The following ASAP2 variants were observed in gnomAD, a reference collection of about 807,000 sequenced individuals.
The protein encoded by ASAP2 is ArfGAP with SH3 domain, ankyrin repeat and PH domain 2.
A neutral mutation model predicts 131.4 loss-of-function variants in ASAP2; 45 were observed. The observed-to-expected ratio is 0.34, with a 90% CI of 0.27 to 0.44. The LOEUF (loss-of-function observed/expected upper bound fraction) is 0.44. ASAP2 is among the 20% of genes least tolerant of loss of function. ASAP2 has a pLI of 1.00. For missense variants in ASAP2, 1,011 were observed against 1,297.0 expected (o/e 0.78, Z 3.39); for synonymous variants, 510 against 503.0 (o/e 1.01, Z -0.19).
intron 16 of ASAP2, among the ~76,000 whole-genome samples, chr2:9,371,261 T>C (rs745982648): frequency 8.5e-5 from 13 of 152,186 alleles, no homozygotes; most frequent in Non-Finnish European, 1.9e-4. Context: ...TCAACTGAAA[T>C]TACTTTCTTG....
At chr2:9,263,135 A>G (rs567349644) in intron 1 of ASAP2, among the ~76,000 whole-genome samples, 9 of 147,326 alleles carry the variant, frequency 6.1e-5, no homozygotes, top group Admixed American at 6.1e-4. Flanking sequence ...CTGGCTTTCC[A>G]CTGTCTCGGT....
chr2:9,399,902 G>C, intron 24 of ASAP2, 121 bp from the exon 25 acceptor site: 1 of 966,494 alleles, frequency 1.0e-6, no homozygotes, highest in Non-Finnish European at 1.6e-6. Flanking sequence ...CTAAGTGACA[G>C]TGGAGGAAAC....
rs761673164 is a variant in ASAP2, at chr2:9,217,044, A to G, written c.126+9814A>G. On this transcript the variant is annotated intron_variant, in intron 1 of 27. Transcript: ENST00000281419. This position sits in a 1 kb window ranked among gnomAD's most constrained non-coding sequence, Gnocchi z 4.0. ...AAAATTAGGCCACGGTACCAAGTTC[A>G]TGGAGCTTGGAGGTGATGAAGCCAG... is the stretch of plus-strand genomic sequence containing the variant. Among the ~76,000 whole-genome samples the G allele has an allele frequency of 1.5e-4, 23 of 152,178 alleles. No individual in the cohort carries two copies. The highest frequency in any genetic ancestry group is 2.8e-4 in the Non-Finnish European group (19 of 67,994).
intron 15 of ASAP2, among the ~76,000 whole-genome samples, chr2:9,364,807 G>A (rs1306416386): frequency 1.3e-5 from 2 of 152,164 alleles, no homozygotes; most frequent in South Asian, 2.1e-4. Context: ...ACTATCAGTG[G>A]TCATTTACGG....
At chr2:9,277,621 G>A (rs892193086) in intron 1 of ASAP2, among the ~76,000 whole-genome samples, 26 of 152,072 alleles carry the variant, frequency 1.7e-4, no homozygotes, top group African/African-American at 5.3e-4. Context: ...CCAAATACCC[G>A]TTCCCCTTGA....
At chr2:9,243,359 C>A (rs537750057) in intron 1 of ASAP2, among the ~76,000 whole-genome samples, 1 of 152,190 alleles carries the variant, frequency 6.6e-6, no homozygotes. Context: ...CCACCCACCT[C>A]GGCCTCGCAA....
In ASAP2 at chr2:9,207,605, C is replaced by G. The variant is rs1168380371; in HGVS notation, c.126+375C>G. 6.6e-6 allele frequency among the ~76,000 whole-genome samples: 1 copy of G among 152,164 alleles called. No homozygotes were observed. Among genetic ancestry groups the G allele is most frequent in the Non-Finnish European group, 1.5e-5 (1 of 68,012 alleles). ...TGGTACCCGGTGCGGACCTTATCAACTTGTTCTTGAAGTGGACCGGCGGGG... is the reference window on the plus strand; with the variant it reads ...TGGTACCCGGTGCGGACCTTATCAAGTTGTTCTTGAAGTGGACCGGCGGGG... On this transcript the variant is annotated intron_variant, in intron 1 of 27. Coordinates refer to ENST00000281419, the MANE Select transcript of ASAP2 (RefSeq NM_003887.3). This position sits in a 1 kb window ranked among gnomAD's most constrained non-coding sequence, Gnocchi z 4.1.
chr2:9,305,836 AAT>A (rs1668886849), intron 3 of ASAP2, among the ~76,000 whole-genome samples: 1 of 148,176 alleles, frequency 6.7e-6, no homozygotes, highest in South Asian at 2.2e-4. Flanking sequence ...GAGGGGCTGT[AAT>A]AGTGGGGTAT....
At chr2:9,294,204 G>A (rs530149426) in intron 2 of ASAP2, among the ~76,000 whole-genome samples, 29 of 151,952 alleles carry the variant, frequency 1.9e-4, no homozygotes, top group Non-Finnish European at 1.3e-4. Context: ...TCATCATGTT[G>A]GCCAGGCTGG....
In ASAP2 at chr2:9,391,176, C is replaced by T. The variant is rs778136472; in HGVS notation, c.2498C>T (p.Pro833Leu). ...CCAGCTGTCCATCCACCGCTGCCCC[C>T]TCTTCGCGTGACATCTACCAGTACG... ...DPPAVHPPLPPLRVTSTNPLT... is the reference protein window; with the variant it reads ...DPPAVHPPLPLLRVTSTNPLT... Residue 833 changes from proline (P) to leucine (L), a missense_variant, in exon 23 of 28, where the codon CCT (proline) becomes CTT (leucine). Pro to Leu is a moderately conservative substitution (Grantham distance 98). Coordinates refer to ENST00000281419, the MANE Select transcript of ASAP2 (RefSeq NM_003887.3). 6.2e-7 allele frequency: 1 copy of T among 1,613,972 alleles called. No individual in the cohort carries two copies. The highest frequency in any genetic ancestry group is 8.5e-7 in the Non-Finnish European group (1 of 1,179,930).
At chr2:9,347,108 C>T (rs188910178) in intron 11 of ASAP2, among the ~76,000 whole-genome samples, 6 of 152,316 alleles carry the variant, frequency 3.9e-5, no homozygotes, top group Admixed American at 3.9e-4. Context: ...CGCCTACATC[C>T]TGCAGGGGTG....
intron 2 of ASAP2, among the ~76,000 whole-genome samples, chr2:9,288,602 C>G (rs1330565044): frequency 6.6e-6 from 1 of 152,142 alleles, no homozygotes; most frequent in Non-Finnish European, 1.5e-5. Flanking sequence ...TGTAGCGAGT[C>G]AGATTGCTTT....
intron 1 of ASAP2, among the ~76,000 whole-genome samples, chr2:9,262,148 A>G (rs974733303): frequency 6.6e-6 from 1 of 152,160 alleles, no homozygotes; most frequent in African/African-American, 2.4e-5. Flanking sequence ...TCATGCCTGT[A>G]TGAAGTTTTG....
At chr2:9,293,273 G>A (rs914456500) in intron 2 of ASAP2, among the ~76,000 whole-genome samples, 1 of 152,136 alleles carries the variant, frequency 6.6e-6, no homozygotes, top group Non-Finnish European at 1.5e-5. Context: ...GAGATAAAGG[G>A]GTGATGGCTT....
At chr2:9,269,422 A>G (rs1479876139) in intron 1 of ASAP2, among the ~76,000 whole-genome samples, 1 of 152,196 alleles carries the variant, frequency 6.6e-6, no homozygotes, top group Non-Finnish European at 1.5e-5. Context: ...GAGCCAGGTC[A>G]TCTCCTCAGA....
At chr2:9,229,956 G>A (rs1284976675) in intron 1 of ASAP2, among the ~76,000 whole-genome samples, 1 of 152,172 alleles carries the variant, frequency 6.6e-6, no homozygotes, top group Non-Finnish European at 1.5e-5. Context: ...GTAGAGATGT[G>A]TGTTTGTGTA....
At chr2:9,319,006 C>T (rs1236082657) in intron 4 of ASAP2, among the ~76,000 whole-genome samples, 1 of 152,228 alleles carries the variant, frequency 6.6e-6, no homozygotes, top group African/African-American at 2.4e-5. Flanking sequence ...TCGCAGTCGT[C>T]AGGCATGAGC....
chr2:9,207,378 T>C lies in ASAP2; in HGVS notation c.126+148T>C. On this transcript the variant is annotated intron_variant, in intron 1 of 27. Transcript: ENST00000281419. This position sits in a 1 kb window ranked among gnomAD's most constrained non-coding sequence, Gnocchi z 4.1. The stretch of plus-strand genomic sequence containing the variant: ...CCCTGCCCGAGACAGAAGCCCTTTG[T>C]TCCCGCCTAGGTGGCTCGGAGGAGA... 1 of 1,158,694 alleles carries C rather than the reference T, an allele frequency of 8.6e-7. No homozygotes were observed. Among genetic ancestry groups the C allele is most frequent in the Non-Finnish European group, 1.1e-6 (1 of 871,524 alleles). The allele number at this position is 1,158,694 out of a possible 1,614,324, so 71.8% of individuals were successfully genotyped here.
chr2:9,374,984 A>T (rs1186850156), intron 17 of ASAP2, 40 bp downstream of exon 17: 3 of 1,450,526 alleles, frequency 2.1e-6, no homozygotes, highest in Non-Finnish European at 1.9e-6. Context: ...AAAAAAAAAA[A>T]GGCCGGCCAC....
Sources: allele counts gnomAD v4.1 joint callset (sites outside exome capture counted in the v4.1 genomes callset), GRCh38; gene constraint gnomAD v4.1.1; non-coding constraint Gnocchi (gnomAD v3.1); transcripts MANE v1.5; gene names NCBI Gene and HGNC (gene_info 2026-07-23, HGNC 2026-07-21).